Variants in CTH observed in about 807,000 individuals in gnomAD.
The protein encoded by CTH is cystathionase (cystathionine gamma-lyase).
A neutral mutation model predicts 50.6 loss-of-function variants in CTH; 41 were observed. That is an observed-to-expected ratio of 0.81 (90% CI 0.63 to 1.05). The LOEUF (loss-of-function observed/expected upper bound fraction) is 1.05. Among genes scored for constraint, CTH ranks in the 50% least tolerant of loss-of-function variants. The pLI, the probability that CTH is intolerant of heterozygous loss-of-function variation, is 0.00. For missense variants in CTH, 470 were observed against 492.6 expected, an observed-to-expected ratio of 0.95 and a Z score of 0.43; for synonymous variants, 156 against 168.9, an observed-to-expected ratio of 0.92 and a Z score of 0.59.
chr1:70,430,309 GT>G lies in CTH; in HGVS notation c.647-3del. On this transcript the variant is annotated splice_polypyrimidine_tract_variant and splice_region_variant and intron_variant, in intron 6 of 11. Transcript: ENST00000370938. Reference sequence around the variant, plus strand: ...ATTTTTGTTTGTTTGTTTGTTTTTTGTTTTTAGGCCACAGTGATGTTGTAAT... The same window carrying G: ...ATTTTTGTTTGTTTGTTTGTTTTTTGTTTTAGGCCACAGTGATGTTGTAAT... The G allele has an allele frequency of 2.6e-6, 4 of 1,534,050 alleles. No individual in the cohort carries two copies. The highest frequency in any genetic ancestry group is 1.1e-5 in the South Asian group (1 of 89,126).
intron 8 of CTH, 97 bp downstream of exon 8, chr1:70,432,332 C>A: frequency 7.0e-7 from 1 of 1,438,084 alleles, no homozygotes. Flanking sequence ...TAGGTGCTTT[C>A]ACGTATTGTT....
intron 3 of CTH, among the ~76,000 whole-genome samples, chr1:70,419,728 A>G (rs983643088): frequency 6.6e-6 from 1 of 152,228 alleles, no homozygotes. Flanking sequence ...TTCCATTCCA[A>G]AGAAATTAAA....
At position 70,433,897 on chromosome 1, in the gene CTH, TTTATA is replaced by T. The variant is rs770108692; in HGVS notation, c.951_955del (p.Tyr317Ter). On this transcript the variant is annotated frameshift_variant, in exon 9 of 12. Transcript: ENST00000370938. LOFTEE classifies it high-confidence loss of function. ...ACAGGTTGTACAGGGATGGTCACCT[TTTATA>T]TTAAGGGCACTCTTCAGCATGCTGA... 1.2e-6 allele frequency: 2 copies of T among 1,614,122 alleles called. No individual in the cohort carries two copies. Among genetic ancestry groups the T allele is most frequent in the South Asian group, 2.2e-5 (2 of 91,086 alleles).
In CTH at chr1:70,437,221, A is replaced by G. The variant is rs115108517; in HGVS notation, c.1053-1467A>G. On this transcript the variant is annotated intron_variant, in intron 10 of 11. Transcript: ENST00000370938. Reference sequence around the variant, plus strand: ...AGGTTTGTTGCGAGAACATGGGGAAAAAAATCCCTAAGCTAATGCCTTCGT... The same window carrying G: ...AGGTTTGTTGCGAGAACATGGGGAAGAAAATCCCTAAGCTAATGCCTTCGT... 4.0e-3 allele frequency among the ~76,000 whole-genome samples: 613 copies of G among 152,330 alleles called. 3 individuals carry two copies. Among genetic ancestry groups the G allele is most frequent in the African/African-American group, 0.014 (592 of 41,578 alleles).
chr1:70,423,702 A>T (rs1287706417), intron 4 of CTH, among the ~76,000 whole-genome samples: 1 of 152,210 alleles, frequency 6.6e-6, no homozygotes, highest in Non-Finnish European at 1.5e-5. Flanking sequence ...TGAGATATAA[A>T]GGTCATTGTT....
chr1:70,414,447 G>A (rs888761086), intron 1 of CTH, among the ~76,000 whole-genome samples: 3 of 151,990 alleles, frequency 2.0e-5, no homozygotes, highest in African/African-American at 7.2e-5. Context: ...GGGAGGTGGA[G>A]GTTGCGCCAC....
chr1:70,425,723 G>A (rs944766579), intron 5 of CTH, among the ~76,000 whole-genome samples: 16 of 152,168 alleles, frequency 1.1e-4, no homozygotes, highest in Middle Eastern at 3.2e-3. Flanking sequence ...GAGAGAGAAC[G>A]AGGGGGAAGG....
intron 3 of CTH, 127 bp downstream of exon 3, chr1:70,418,159 G>T: frequency 9.5e-7 from 1 of 1,053,130 alleles, no homozygotes; most frequent in Non-Finnish European, 1.4e-6. Context: ...GGTGTGACAG[G>T]TACCTCTATG....
intron 1 of CTH, among the ~76,000 whole-genome samples, chr1:70,413,891 G>A (rs1684030669): frequency 6.6e-6 from 1 of 150,568 alleles, no homozygotes; most frequent in South Asian, 2.1e-4. Flanking sequence ...ACAGCTGCCC[G>A]CCACCATGCC....
intron 10 of CTH, 126 bp from the exon 11 acceptor site, chr1:70,438,562 A>T (rs1684647143): frequency 1.4e-5 from 14 of 973,454 alleles, no homozygotes; most frequent in South Asian, 8.0e-5. Context: ...CCTGTGAATT[A>T]TAGGGGTATG....
intron 5 of CTH, 114 bp downstream of exon 5, chr1:70,424,530 A>G: frequency 6.5e-7 from 1 of 1,540,080 alleles, no homozygotes; most frequent in African/African-American, 1.4e-5. Flanking sequence ...ATCTAATCAT[A>G]ATTAATTATT....
intron 5 of CTH, 120 bp downstream of exon 5, chr1:70,424,536 T>C: frequency 6.6e-7 from 1 of 1,518,596 alleles, no homozygotes; most frequent in Non-Finnish European, 9.0e-7. Context: ...TCATAATTAA[T>C]TATTTACTGG....
chr1:70,417,760 A>G (rs1033658533), intron 2 of CTH, among the ~76,000 whole-genome samples, 177 bp from the exon 3 acceptor site: 1 of 152,234 alleles, frequency 6.6e-6, no homozygotes, highest in African/African-American at 2.4e-5. Flanking sequence ...TATTTTAAAG[A>G]TATCTTATTC....
Position 70,420,105 on chromosome 1 carries a change from G to C in CTH, c.347-1461G>C, listed in dbSNP as rs1353377750. On this transcript the variant is annotated intron_variant, in intron 3 of 11. Transcript: ENST00000370938. ...CTTCCCGGGTTCAAGCGATTCTCCT[G>C]TCTCAGCCTCCCGAGTAGCTGGGAT... Among the ~76,000 whole-genome samples, 8 of 151,014 alleles carry C rather than the reference G, an allele frequency of 5.3e-5. No homozygotes were observed. The Admixed American group carries it at 5.3e-4, about 10-fold the overall frequency.
In CTH at chr1:70,438,840, T is replaced by TTGTGTGTGTGTGTGTGTG; in HGVS notation, c.1191+26_1191+43dup. ...TTGAAGGCAGCAGTAAGTCTTATTA[T>TTGTGTGTGTGTGTGTGTG]TGTGTGTGTGTGTGTGTGTGTGTGT... On this transcript the variant is annotated intron_variant, in intron 11 of 11. Coordinates refer to ENST00000370938, the MANE Select transcript of CTH (RefSeq NM_001902.6). 1 of 1,557,750 alleles carries TTGTGTGTGTGTGTGTGTG rather than the reference T, an allele frequency of 6.4e-7. No homozygotes were observed. Among genetic ancestry groups the TTGTGTGTGTGTGTGTGTG allele is most frequent in the Admixed American group, 1.7e-5 (1 of 57,530 alleles).
chr1:70,436,292 C>T (rs1308241343), intron 10 of CTH, among the ~76,000 whole-genome samples: 2 of 152,106 alleles, frequency 1.3e-5, no homozygotes, highest in African/African-American at 4.8e-5. Flanking sequence ...CGCACCACTG[C>T]ACTCCAGCCT....
In CTH at chr1:70,424,367, G is replaced by T; in HGVS notation, c.539G>T (p.Gly180Val). 5 of 1,614,096 alleles carry T rather than the reference G, an allele frequency of 3.1e-6. No homozygotes were observed. Among genetic ancestry groups the T allele is most frequent in the Non-Finnish European group, 4.2e-6 (5 of 1,179,998 alleles). Residue 180 changes from glycine to valine, a missense_variant, in exon 5 of 12, where the codon GGA (glycine) becomes GTA (valine). Physicochemically the swap from Gly to Val is moderately radical, Grantham distance 109. Coordinates refer to ENST00000370938, the MANE Select transcript of CTH (RefSeq NM_001902.6). The part of the protein sequence containing the change: ...EGCAHIVHKH[G>V]DIILVVDNTF... ...TGTGCACATATTGTCCATAAGCATGGAGACATTATTTTGGTCGTGGATAAC... is the reference window on the plus strand; with the variant it reads ...TGTGCACATATTGTCCATAAGCATGTAGACATTATTTTGGTCGTGGATAAC...
intron 5 of CTH, among the ~76,000 whole-genome samples, chr1:70,426,863 A>G (rs1389850978): frequency 6.6e-6 from 1 of 152,204 alleles, no homozygotes; most frequent in East Asian, 1.9e-4. Flanking sequence ...TGAGTCCTGT[A>G]TATTCCCAAA....
chr1:70,437,758 A>G (rs917675580), intron 10 of CTH, among the ~76,000 whole-genome samples: 1 of 152,052 alleles, frequency 6.6e-6, no homozygotes, highest in Non-Finnish European at 1.5e-5. Context: ...TTTTTTCCCC[A>G]TGGCTCTCAT....
Sources: gnomAD v4.1 joint callset for allele counts (sites outside exome capture counted in the v4.1 genomes callset) on GRCh38, gnomAD v4.1.1 for gene constraint, MANE v1.5 for transcripts, NCBI Gene and HGNC (gene_info 2026-07-23, HGNC 2026-07-21) for gene names.